Variants in CDKL3 observed in about 807,000 individuals in gnomAD.
The protein encoded by CDKL3 is cyclin-dependent kinase-like 3.
Under a neutral mutation model 69.3 loss-of-function variants are expected in CDKL3, and 65 were observed. That is an observed-to-expected ratio of 0.94 (90% CI 0.77 to 1.15). The LOEUF (loss-of-function observed/expected upper bound fraction) is 1.15, where lower values mean the gene tolerates loss of function less well. CDKL3 is among the 50% of genes most tolerant of loss of function. CDKL3 has a pLI of 0.00. For synonymous variants in CDKL3, 202 were observed against 221.6 expected (o/e 0.91, Z 0.79); for missense variants, 652 against 689.2 (o/e 0.95, Z 0.61).
intron 4 of CDKL3, among the ~76,000 whole-genome samples, chr5:134,346,295 C>T (rs1751848340): frequency 6.6e-6 from 1 of 152,194 alleles, no homozygotes; most frequent in African/African-American, 2.4e-5. Flanking sequence ...TTTGCCCAAT[C>T]ATGTTTCTCT....
At chr5:134,361,430 A>G (rs1277202564) in intron 2 of CDKL3, among the ~76,000 whole-genome samples, 1 of 152,172 alleles carries the variant, frequency 6.6e-6, no homozygotes, top group Admixed American at 6.5e-5. Context: ...CTTCATTCCA[A>G]TAACACAGTG....
Position 134,350,198 on chromosome 5 carries a change from CA to C in CDKL3, c.539+50del, listed in dbSNP as rs376599228. On this transcript the variant is annotated intron_variant, in intron 4 of 12. Transcript: ENST00000265334. ...GCAACACGCCATCTCAAAAAATAAACAAAAAAAGAGATACCTAGGAAAGGCT... is the reference window on the plus strand; with the variant it reads ...GCAACACGCCATCTCAAAAAATAAACAAAAAAGAGATACCTAGGAAAGGCT... The C allele has an allele frequency of 7.9e-4, 1,107 of 1,408,220 alleles. 5 individuals are homozygous for C. In the African/African-American group the frequency reaches 9.6e-3, roughly 12 times the overall value. 87.2% of individuals were successfully genotyped at this position (1,408,220 alleles called of 1,614,324 possible).
rs146103089 is a variant in CDKL3, at chr5:134,320,289, G to A, written c.653-792C>T. Among the ~76,000 whole-genome samples the A allele has an allele frequency of 6.6e-5, 10 of 152,174 alleles. No homozygotes were observed. The East Asian group carries it at 1.9e-3, about 29-fold the overall frequency. Reference sequence around the variant, plus strand: ...ATGCATATCTTCCCCACCACACAAAGAGCTTCTCAAGCTCCTCATCCACAA... The same window carrying A: ...ATGCATATCTTCCCCACCACACAAAAAGCTTCTCAAGCTCCTCATCCACAA... On this transcript the variant is annotated intron_variant, in intron 5 of 12. Transcript: ENST00000265334.
intron 4 of CDKL3, among the ~76,000 whole-genome samples, chr5:134,337,060 A>G (rs1777305086): frequency 6.6e-6 from 1 of 152,120 alleles, no homozygotes; most frequent in South Asian, 2.1e-4. Context: ...GAAATGGCGG[A>G]TGCCCCTCCC....
intron 4 of CDKL3, among the ~76,000 whole-genome samples, chr5:134,327,593 C>A (rs1204295028): frequency 6.6e-6 from 1 of 152,134 alleles, no homozygotes; most frequent in Admixed American, 6.5e-5. Context: ...ATTTAATGAA[C>A]CTGCAGTCTA....
At chr5:134,299,410 G>A in intron 12 of CDKL3, 1 of 840,278 alleles carries the variant, frequency 1.2e-6, no homozygotes, top group Non-Finnish European at 1.6e-6. Flanking sequence ...TGAAATAATA[G>A]GTGATCAAAT....
downstream of CDKL3, among the ~76,000 whole-genome samples, chr5:134,285,198 G>T (rs191277326): frequency 1.9e-4 from 29 of 152,294 alleles, no homozygotes; most frequent in Admixed American, 3.9e-4. Flanking sequence ...AGCTCCACTA[G>T]GTGGTGCCCC....
chr5:134,331,217 G>A (rs960043442), intron 4 of CDKL3, among the ~76,000 whole-genome samples: 1 of 152,120 alleles, frequency 6.6e-6, no homozygotes, highest in African/African-American at 2.4e-5. Flanking sequence ...GCATGAACAA[G>A]ATAAATGTTT....
chr5:134,327,632 GAACCAGGGAAT>G (rs144344297), intron 4 of CDKL3, among the ~76,000 whole-genome samples: 21,323 of 152,054 alleles, frequency 0.14, 1,815 homozygotes, highest in African/African-American at 0.23. Flanking sequence ...TTGTGGGAAA[GAACCAGGGAAT>G]AACACAGTTA....
chr5:134,350,831 GAAAAAAAA>G (rs112330114), intron 3 of CDKL3, among the ~76,000 whole-genome samples: 8 of 82,432 alleles, frequency 9.7e-5, no homozygotes, highest in South Asian at 3.8e-4. Context: ...AGAAAAAAAA[GAAAAAAAA>G]AAAAAGAAAA....
At chr5:134,371,306 T>C, upstream of CDKL3, 1 of 545,944 alleles carries the variant, frequency 1.8e-6, no homozygotes, top group Non-Finnish European at 3.3e-6. Flanking sequence ...ATTTGTCTAT[T>C]ACTTCAGGAA....
intron 12 of CDKL3, chr5:134,299,626 T>G: frequency 6.8e-7 from 1 of 1,470,212 alleles, no homozygotes; most frequent in Non-Finnish European, 9.0e-7. Context: ...GTATGTAACA[T>G]TAATAAAAAG....
chr5:134,333,939 C>T (rs188765770), intron 4 of CDKL3, among the ~76,000 whole-genome samples: 1 of 152,254 alleles, frequency 6.6e-6, no homozygotes, highest in East Asian at 1.9e-4. Context: ...CCATCTGGTC[C>T]TGGACTTTTT....
intron 4 of CDKL3, among the ~76,000 whole-genome samples, chr5:134,327,989 C>T (rs534640463): frequency 1.2e-4 from 19 of 152,194 alleles, no homozygotes; most frequent in African/African-American, 4.1e-4. Context: ...AATAATTTAG[C>T]CAGTCGCCAT....
chr5:134,323,855 ATAGT>A (rs566795757), intron 4 of CDKL3, among the ~76,000 whole-genome samples: 52 of 152,324 alleles, frequency 3.4e-4, no homozygotes, highest in African/African-American at 1.2e-3. Context: ...GAAAAAATTG[ATAGT>A]TAGAACTTCA....
chr5:134,339,458 T>A (rs1436530508), intron 4 of CDKL3, among the ~76,000 whole-genome samples: 1 of 152,136 alleles, frequency 6.6e-6, no homozygotes, highest in Non-Finnish European at 1.5e-5. Flanking sequence ...GGAAATTTCA[T>A]AATGATAAAG....
At chr5:134,326,675 T>C (rs1192209747) in intron 4 of CDKL3, among the ~76,000 whole-genome samples, 3 of 151,304 alleles carry the variant, frequency 2.0e-5, no homozygotes, top group Non-Finnish European at 2.9e-5. Flanking sequence ...AGTTTCACTC[T>C]TGTTGCCCAG....
intron 4 of CDKL3, among the ~76,000 whole-genome samples, chr5:134,349,822 C>A (rs1581169220): frequency 6.6e-6 from 1 of 152,192 alleles, no homozygotes; most frequent in South Asian, 2.1e-4. Context: ...TTAGCCCCAA[C>A]CTAGATGCAG....
chr5:134,362,676 C>T (rs1756336938), intron 2 of CDKL3, among the ~76,000 whole-genome samples: 1 of 152,182 alleles, frequency 6.6e-6, no homozygotes, highest in African/African-American at 2.4e-5. Flanking sequence ...CACCTGTAAT[C>T]TCAGTACTTT....
Sources: gnomAD v4.1 joint callset for allele counts (sites outside exome capture counted in the v4.1 genomes callset) on GRCh38, gnomAD v4.1.1 for gene constraint, MANE v1.5 for transcripts, NCBI Gene and HGNC (gene_info 2026-07-23, HGNC 2026-07-21) for gene names.